PPP1R9B: variants seen among roughly 807,000 people sequenced by gnomAD.
The protein encoded by PPP1R9B is protein phosphatase 1 regulatory subunit 9B, also known as neurabin-2.
PPP1R9B carries 17 observed loss-of-function variants against 75.8 expected under a neutral mutation model. That is an observed-to-expected ratio of 0.22 (90% confidence interval 0.15 to 0.34). The LOEUF (loss-of-function observed/expected upper bound fraction) is 0.34. Ranked by LOEUF, PPP1R9B falls within the 10% of genes least tolerant of loss-of-function variation. The pLI, the probability that PPP1R9B is intolerant of heterozygous loss-of-function variation, is 1.00. For missense variants in PPP1R9B, 875 were observed against 1,196.0 expected (o/e 0.73, Z 3.96); for synonymous variants, 509 against 535.4 (o/e 0.95, Z 0.68).
chr17:50,150,522 G>C lies in PPP1R9B; in HGVS notation c.-9C>G. The C allele has an allele frequency of 7.6e-7, 1 of 1,321,460 alleles. No homozygotes were observed. The highest frequency in any genetic ancestry group is 9.7e-7 in the Non-Finnish European group (1 of 1,034,546). The allele number at this position is 1,321,460 out of a possible 1,614,324, so 81.9% of individuals were successfully genotyped here. The stretch of plus-strand genomic sequence containing the variant: ...GGCTCCGTCTTCATCATGGTGGGGG[G>C]AGCCGGGTTCGCATGCCCCTGCTCC... On this transcript the variant is annotated 5_prime_UTR_variant, in exon 1 of 10. Transcript: ENST00000612501. This position sits in a 1 kb window ranked among gnomAD's most constrained non-coding sequence, Gnocchi z 8.7.
intron 1 of PPP1R9B, among the ~76,000 whole-genome samples, chr17:50,148,600 G>T (rs1269954675): frequency 6.6e-6 from 1 of 152,240 alleles, no homozygotes; most frequent in African/African-American, 2.4e-5. Flanking sequence ...AAGTTGGGGT[G>T]GGGGTACAAA....
Position 50,149,190 on chromosome 17 carries a change from C to A in PPP1R9B, c.1324G>T (p.Asp442Tyr). 1 of 1,586,594 alleles carries A rather than the reference C, an allele frequency of 6.3e-7. No individual in the cohort carries two copies. Among genetic ancestry groups the A allele is most frequent in the Non-Finnish European group, 8.6e-7 (1 of 1,167,196 alleles). Residue 442 changes from aspartate (D) to tyrosine (Y), a missense_variant, in exon 1 of 10, where the codon GAC becomes TAC. This residue lies in a region of PPP1R9B where 449 missense variants were observed against 475.0 expected (regional missense o/e 0.95). Coordinates refer to ENST00000612501, the MANE Select transcript of PPP1R9B (RefSeq NM_032595.5). This position sits in a 1 kb window ranked among gnomAD's most constrained non-coding sequence, Gnocchi z 7.2. The part of the protein sequence containing the change: ...VEIPGLSEEE[D>Y]PAPSRKIHFS... ...TGGATCTTCCGGCTCGGGGCTGGGT[C>A]CTCCTCCTCCGACAGCCCCGGGATC...
intron 3 of PPP1R9B, among the ~76,000 whole-genome samples, chr17:50,141,675 A>AC (rs1912384845): frequency 6.6e-6 from 1 of 151,666 alleles, no homozygotes; most frequent in African/African-American, 2.4e-5. Context: ...AAAAAAAAAA[A>AC]AACAAAAAAA....
Position 50,139,358 on chromosome 17 carries a change from G to C in PPP1R9B, c.2020-42C>G. 6.2e-7 allele frequency: 1 copy of C among 1,613,816 alleles called. No individual in the cohort carries two copies. The highest frequency in any genetic ancestry group is 1.1e-5 in the South Asian group (1 of 91,082). On this transcript the variant is annotated intron_variant, in intron 6 of 9. Transcript: ENST00000612501. The surrounding 1 kb of genome is among the most constrained non-coding windows in gnomAD (Gnocchi z 5.0). ...CAGGCACTCAGCTCCAGCAGGGTGG[G>C]GCAGGCAGTGCCAAGGGCAGGAGAC... is the stretch of plus-strand genomic sequence containing the variant.
chr17:50,149,562 C>A lies in PPP1R9B; in HGVS notation c.952G>T (p.Val318Leu). The stretch of plus-strand genomic sequence containing the variant: ...TGGACCGTAACCTCGGCCTGGATCA[C>A]CTCCCCGGGCGCCGACTCGGCCTCC... Reference protein sequence around the residue: ...ESEAESAPGEVIQAEVTVHAA... With the variant: ...ESEAESAPGELIQAEVTVHAA... The change falls in exon 1 of 10, where the codon GTG (valine) becomes TTG (leucine). Residue 318 changes from valine (V) to leucine (L), a missense_variant. By Grantham distance (32) the Val-to-Leu change is conservative. Transcript: ENST00000612501. This position sits in a 1 kb window ranked among gnomAD's most constrained non-coding sequence, Gnocchi z 7.2. The A allele has an allele frequency of 6.3e-7, 1 of 1,584,972 alleles. No homozygotes were observed. The highest frequency in any genetic ancestry group is 1.7e-5 in the Admixed American group (1 of 57,588).
Position 50,140,226 on chromosome 17 carries a change from A to C in PPP1R9B, c.1733T>G (p.Phe578Cys). The C allele has an allele frequency of 6.3e-7, 1 of 1,595,152 alleles. No homozygotes were observed. The highest frequency in any genetic ancestry group is 8.5e-7 in the Non-Finnish European group (1 of 1,171,152). The stretch of plus-strand genomic sequence containing the variant: ...TCCCGGCCGCTCCCGGCCAATCATA[A>C]ACCTGCAGGGGCACCGGCATCATCC... ...VLRNTKGRVR[F>C]MIGRERPGEQ... The change falls in exon 5 of 10, where the codon TTT (phenylalanine) becomes TGT (cysteine). Residue 578 changes from phenylalanine (F) to cysteine (C), a missense_variant and splice_region_variant. This residue lies in a region of PPP1R9B where 218 missense variants were observed against 334.6 expected (regional missense o/e 0.65). Coordinates refer to ENST00000612501, the MANE Select transcript of PPP1R9B (RefSeq NM_032595.5).
In PPP1R9B at chr17:50,143,705, C is replaced by T. The variant is rs1051572424; in HGVS notation, c.1518G>A (p.Leu506=). 1.2e-6 allele frequency: 2 copies of T among 1,613,928 alleles called. No homozygotes were observed. The highest frequency in any genetic ancestry group is 1.7e-6 in the Non-Finnish European group (2 of 1,179,876). ...CGCCCATGCCGATGATGCTGATGCC[C>T]AGGCCCTCGGAGTCTGTGGAACAGA... ...PVELEKDSEG[L]GISIIGMGAG... is the part of the protein sequence containing the mutation. Residue 506 remains leucine, a synonymous_variant, in exon 3 of 10, where the codon CTG becomes CTA. Transcript: ENST00000612501.
At chr17:50,143,088 C>T (rs904400771) in intron 3 of PPP1R9B, among the ~76,000 whole-genome samples, 1 of 152,210 alleles carries the variant, frequency 6.6e-6, no homozygotes, top group African/African-American at 2.4e-5. Flanking sequence ...TGTATGCCTT[C>T]ACAGCAGTCT....
chr17:50,135,898 G>T, intron 8 of PPP1R9B, 70 bp downstream of exon 8: 1 of 1,225,798 alleles, frequency 8.2e-7, no homozygotes. Flanking sequence ...CTGGAGGGAT[G>T]GGGAGGGACT....
chr17:50,140,329 G>T lies in PPP1R9B; in HGVS notation c.1731-101C>A. On this transcript the variant is annotated intron_variant, in intron 4 of 9. Transcript: ENST00000612501. ...CTCTCCAAACTCAGGCCCTCCCAGG[G>T]GAGGAGAGATGAGAGGGCTGAGTCC... 4 of 1,437,702 alleles carry T rather than the reference G, an allele frequency of 2.8e-6. No homozygotes were observed. The East Asian group carries it at 1.0e-4, about 36-fold the overall frequency. The allele number at this position is 1,437,702 out of a possible 1,614,324, so 89.1% of individuals were successfully genotyped here.
chr17:50,147,301 C>A (rs1912540935), intron 1 of PPP1R9B, among the ~76,000 whole-genome samples: 1 of 152,246 alleles, frequency 6.6e-6, no homozygotes, highest in Non-Finnish European at 1.5e-5. Flanking sequence ...TCTCTGCCCT[C>A]AGCAGAGGCC....
Position 50,150,481 on chromosome 17 carries a change from A to G in PPP1R9B, c.33T>C (p.Gly11=). The G allele has an allele frequency of 1.3e-5, 18 of 1,365,094 alleles. No homozygotes were observed. Among genetic ancestry groups the G allele is most frequent in the South Asian group, 1.7e-5 (1 of 59,178 alleles). 84.6% of individuals were successfully genotyped at this position (1,365,094 alleles called of 1,614,324 possible). A position where few individuals can be genotyped will look rare whatever the true frequency, so the allele number is the denominator to read the frequency against. MMKTEPRGPG[G]PLRSASPHRS... is the part of the protein sequence containing the mutation. ...GGTGCGGGGAGGCGCTCCGGAGGGG[A>G]CCCCCGGGCCCCCGTGGCTCCGTCT... is the stretch of plus-strand genomic sequence containing the variant. Residue 11 remains glycine (G), a synonymous_variant, in exon 1 of 10, where the codon GGT becomes GGC. Coordinates refer to ENST00000612501, the MANE Select transcript of PPP1R9B (RefSeq NM_032595.5). The surrounding 1 kb of genome is among the most constrained non-coding windows in gnomAD (Gnocchi z 8.7).
chr17:50,137,449 C>T (rs1277656246), intron 7 of PPP1R9B: 1 of 152,472 alleles, frequency 6.6e-6, no homozygotes, highest in Non-Finnish European at 1.5e-5. Context: ...ACTAACAGAC[C>T]TTTGGCGTGC....
intron 2 of PPP1R9B, 138 bp from the exon 3 acceptor site, chr17:50,143,856 T>C (rs1478105650): frequency 4.0e-6 from 5 of 1,252,690 alleles, no homozygotes; most frequent in East Asian, 2.3e-5. Context: ...AGAAGGGATA[T>C]AGTTCTGTCC....
rs759712235 is a variant in PPP1R9B at position 50,149,864 on chromosome 17, T to C, written c.650A>G (p.Lys217Arg). The C allele has an allele frequency of 6.7e-6, 10 of 1,492,188 alleles. No homozygotes were observed. The highest frequency in any genetic ancestry group is 1.7e-4 in the Middle Eastern group (1 of 5,836). The allele number at this position is 1,492,188 out of a possible 1,614,324, so 92.4% of individuals were successfully genotyped here. ...GTGGAGGCCGGTCCTCGAGTCGGCCTTCTCGAAGACGGCGCTGAGCTGGCT... is the reference window on the plus strand; with the variant it reads ...GTGGAGGCCGGTCCTCGAGTCGGCCCTCTCGAAGACGGCGCTGAGCTGGCT... The part of the protein sequence containing the change: ...TVSQLSAVFE[K>R]ADSRTGLHRG... The change falls in exon 1 of 10, where the codon AAG becomes AGG. Residue 217 changes from lysine (K) to arginine (R), a missense_variant. Transcript: ENST00000612501. This position sits in a 1 kb window ranked among gnomAD's most constrained non-coding sequence, Gnocchi z 7.2.
intron 4 of PPP1R9B, 114 bp from the exon 5 acceptor site, chr17:50,140,342 G>A: frequency 2.3e-6 from 3 of 1,331,982 alleles, no homozygotes; most frequent in Non-Finnish European, 3.0e-6. Context: ...GGAGAGATGA[G>A]AGGGCTGAGT....
chr17:50,149,429 G>C lies in PPP1R9B; in HGVS notation c.1085C>G (p.Pro362Arg), dbSNP rs1240549741. ...CCGGCCATTGCCCACCCCCCTCTCT[G>C]GCGGCGCTACCGCCGCCGCCTCCTT... ...PEKEAAAVAP[P>R]ERGVGNGRAP... The change falls in exon 1 of 10, where the codon CCA (proline) becomes CGA (arginine). Residue 362 changes from proline to arginine, a missense_variant. By Grantham distance (103) the Pro-to-Arg change is moderately radical. Around this residue, in one of 4 missense-constraint regions of PPP1R9B, gnomAD observed 449 missense variants for 475.0 expected, o/e 0.95. Transcript: ENST00000612501. The surrounding 1 kb of genome is among the most constrained non-coding windows in gnomAD (Gnocchi z 7.2). 6.2e-7 allele frequency: 1 copy of C among 1,608,650 alleles called. No homozygotes were observed. Among genetic ancestry groups the C allele is most frequent in the East Asian group, 2.2e-5 (1 of 44,778 alleles).
At chr17:50,148,417 C>T (rs1382102807) in intron 1 of PPP1R9B, among the ~76,000 whole-genome samples, 2 of 152,232 alleles carry the variant, frequency 1.3e-5, no homozygotes, top group Admixed American at 6.5e-5. Flanking sequence ...CCTCCTCCTC[C>T]TCCATGCCTG....
chr17:50,144,820 C>T (rs966530499), intron 2 of PPP1R9B, among the ~76,000 whole-genome samples: 1 of 152,226 alleles, frequency 6.6e-6, no homozygotes, highest in African/African-American at 2.4e-5. Flanking sequence ...GTGTCCCCAA[C>T]ACAGAGCCCA....
Sources: allele counts gnomAD v4.1 joint callset (sites outside exome capture counted in the v4.1 genomes callset), GRCh38; gene constraint gnomAD v4.1.1; regional missense constraint gnomAD v4.1.1; non-coding constraint Gnocchi (gnomAD v3.1); transcripts MANE v1.5; gene names NCBI Gene and HGNC (gene_info 2026-07-23, HGNC 2026-07-21).